USP19: variants seen among roughly 807,000 people sequenced by gnomAD.
USP19 encodes ubiquitin specific peptidase 19, also known as ubiquitin carboxyl-terminal hydrolase 19.
USP19 carries 40 observed loss-of-function variants against 144.8 expected under a neutral mutation model. That is an observed-to-expected ratio of 0.28 (90% confidence interval 0.21 to 0.36). USP19 has a LOEUF of 0.36. USP19 is among the 10% of genes least tolerant of loss of function. The pLI is 1.00. For missense variants in USP19, 1,518 were observed against 1,822.5 expected (o/e 0.83, Z 3.04); for synonymous variants, 701 against 709.3 (o/e 0.99, Z 0.19).
chr3:49,117,944 G>A lies in USP19; in HGVS notation c.298+3C>T, dbSNP rs767985831. On this transcript the variant is annotated splice_donor_region_variant and intron_variant, in intron 3 of 26. Transcript: ENST00000417901. This position sits in a 1 kb window ranked among gnomAD's most constrained non-coding sequence, Gnocchi z 4.4. ...AGCAACAAAAAGCCCATTCGTTACTGACCCTCTTTGGTCTGCTCCTCTTGA... is the reference window on the plus strand; with the variant it reads ...AGCAACAAAAAGCCCATTCGTTACTAACCCTCTTTGGTCTGCTCCTCTTGA... The A allele has an allele frequency of 4.3e-6, 7 of 1,613,120 alleles. No individual in the cohort carries two copies. The highest frequency in any genetic ancestry group is 5.9e-6 in the Non-Finnish European group (7 of 1,179,798).
Position 49,110,898 on chromosome 3 carries a change from GTC to G in USP19, c.3546-37_3546-36del, listed in dbSNP as rs1415458705. The G allele has an allele frequency of 1.2e-6, 2 of 1,613,790 alleles. No homozygotes were observed. Among genetic ancestry groups the G allele is most frequent in the Non-Finnish European group, 1.7e-6 (2 of 1,179,724 alleles). ...ACAGAGATTGGGTCAGGACCAGCAAGTCTCTCTCTTCTCCATCCTGCCCCCTT... is the reference window on the plus strand; with the variant it reads ...ACAGAGATTGGGTCAGGACCAGCAAGTCTCTCTTCTCCATCCTGCCCCCTT... On this transcript the variant is annotated intron_variant, in intron 23 of 26. Coordinates refer to ENST00000417901, the MANE Select transcript of USP19 (RefSeq NM_001199161.2). This position sits in a 1 kb window ranked among gnomAD's most constrained non-coding sequence, Gnocchi z 6.1.
Position 49,110,638 on chromosome 3 carries a change from C to G in USP19, c.3699-34G>C. On this transcript the variant is annotated intron_variant, in intron 24 of 26. Transcript: ENST00000417901. This position sits in a 1 kb window ranked among gnomAD's most constrained non-coding sequence, Gnocchi z 6.1. ...CAGGTCCAGTCAGGGAGGGGTGAGA[C>G]AGGCAACAGGCGCTCAGGATGCCCA... 6.2e-7 allele frequency: 1 copy of G among 1,611,666 alleles called. No individual in the cohort carries two copies. Among genetic ancestry groups the G allele is most frequent in the Non-Finnish European group, 8.5e-7 (1 of 1,178,486 alleles).
At position 49,114,598 on chromosome 3, in the gene USP19, CCT is replaced by C. The variant is rs1397652028; in HGVS notation, c.2292+163_2292+164del. On this transcript the variant is annotated intron_variant, in intron 15 of 26. Transcript: ENST00000417901. The surrounding 1 kb of genome is among the most constrained non-coding windows in gnomAD (Gnocchi z 4.5). ...CTTTTCCCTCAGTCAGGAAGCCTAC[CCT>C]GAGTGGGCTCTTCAGCCCAAATAGA... Among the ~76,000 whole-genome samples the C allele has an allele frequency of 6.6e-6, 1 of 152,226 alleles. No homozygotes were observed. The highest frequency in any genetic ancestry group is 6.5e-5 in the Admixed American group (1 of 15,286).
In USP19 at chr3:49,110,313, C is replaced by G; in HGVS notation, c.3909G>C (p.Gln1303His). ...GTACATAGGCATAACGCGTCACAAC[C>G]TGGCTCTCGTCTACCGTTGTCACTG... ...DSTVTTVDES[Q>H]VVTRYAYVLF... The change falls in exon 26 of 27, where the codon CAG (glutamine) becomes CAC (histidine). Residue 1303 changes from glutamine to histidine, a missense_variant. Coordinates refer to ENST00000417901, the MANE Select transcript of USP19 (RefSeq NM_001199161.2). The surrounding 1 kb of genome is among the most constrained non-coding windows in gnomAD (Gnocchi z 6.1). 1.9e-6 allele frequency: 3 copies of G among 1,605,858 alleles called. No individual in the cohort carries two copies. Among genetic ancestry groups the G allele is most frequent in the Non-Finnish European group, 2.6e-6 (3 of 1,174,756 alleles).
rs565561069 is a variant in USP19 at position 49,117,079 on chromosome 3, C to T, written c.889G>A (p.Val297Met). Residue 297 changes from valine (V) to methionine (M), a missense_variant, in exon 6 of 27, where the codon GTG (valine) becomes ATG (methionine). Coordinates refer to ENST00000417901, the MANE Select transcript of USP19 (RefSeq NM_001199161.2). This position sits in a 1 kb window ranked among gnomAD's most constrained non-coding sequence, Gnocchi z 4.4. ...PGPRGDAPPF[V>M]ADPATQVEAD... ...CTCACCTGGGTGGCTGGGTCAGCCACGAAGGGTGGGGCATCACCCCGGGGT... is the reference window on the plus strand; with the variant it reads ...CTCACCTGGGTGGCTGGGTCAGCCATGAAGGGTGGGGCATCACCCCGGGGT... 28 of 1,518,148 alleles carry T rather than the reference C, an allele frequency of 1.8e-5. No homozygotes were observed. The highest frequency in any genetic ancestry group is 6.1e-5 in the South Asian group (5 of 81,654). The allele number at this position is 1,518,148 out of a possible 1,614,324, so 94.0% of individuals were successfully genotyped here. A position where few individuals can be genotyped will look rare whatever the true frequency, so the allele number is the denominator to read the frequency against.
Position 49,119,073 on chromosome 3 carries a change from T to G in USP19, c.73A>C (p.Lys25Gln), listed in dbSNP as rs764139578. Residue 25 changes from lysine (K) to glutamine (Q), a missense_variant, in exon 2 of 27, where the codon AAG becomes CAG. Lys to Gln is a moderately conservative substitution (Grantham distance 53). This residue lies in a region of USP19 where 707 missense variants were observed against 728.9 expected (regional missense o/e 0.97). Transcript: ENST00000417901. The part of the protein sequence containing the change: ...PGLEDTTSKK[K>Q]QKDRANQESK... ...TCCTGGTTTGCTCGATCCTTCTGCT[T>G]CTTCTTACTAGTGGTGTCCTCCAGT... 1.5e-5 allele frequency: 25 copies of G among 1,613,870 alleles called. No individual in the cohort carries two copies. Among genetic ancestry groups the G allele is most frequent in the Middle Eastern group, 1.6e-4 (1 of 6,082 alleles).
In USP19 at chr3:49,114,115, G is replaced by C. The variant is rs760389016; in HGVS notation, c.2404-22C>G. ...GGAACTGTGGCAAAAAGGGCAGTCA[G>C]TGAGGGAGGTGGGCCACGTTCTCTA... On this transcript the variant is annotated intron_variant, in intron 16 of 26. Transcript: ENST00000417901. This position sits in a 1 kb window ranked among gnomAD's most constrained non-coding sequence, Gnocchi z 4.5. 1.2e-6 allele frequency: 2 copies of C among 1,614,240 alleles called. No homozygotes were observed. Among genetic ancestry groups the C allele is most frequent in the Non-Finnish European group, 1.7e-6 (2 of 1,180,028 alleles).
rs1010259066 is a variant in USP19, at chr3:49,118,328, G to A, written c.125-208C>T. Among the ~76,000 whole-genome samples, 4 of 151,582 alleles carry A rather than the reference G, an allele frequency of 2.6e-5. No individual in the cohort carries two copies. The East Asian group carries it at 5.8e-4, about 22-fold the overall frequency. ...CACGCCTGCAATCCCAGCACTTTGA[G>A]AGGCCGAGGTGGGTGGATCACCTGA... is the stretch of plus-strand genomic sequence containing the variant. On this transcript the variant is annotated intron_variant, in intron 2 of 26. Transcript: ENST00000417901.
chr3:49,114,098 G>C lies in USP19; in HGVS notation c.2404-5C>G, dbSNP rs2043669669. On this transcript the variant is annotated splice_region_variant and splice_polypyrimidine_tract_variant and intron_variant, in intron 16 of 26. Coordinates refer to ENST00000417901, the MANE Select transcript of USP19 (RefSeq NM_001199161.2). This position sits in a 1 kb window ranked among gnomAD's most constrained non-coding sequence, Gnocchi z 4.5. ...CTTGCTGACGCTCACCAGGAACTGT[G>C]GCAAAAAGGGCAGTCAGTGAGGGAG... The C allele has an allele frequency of 1.1e-5, 17 of 1,614,180 alleles. No individual in the cohort carries two copies. Among genetic ancestry groups the C allele is most frequent in the Non-Finnish European group, 1.4e-5 (17 of 1,180,040 alleles).
At position 49,108,601 on chromosome 3, in the gene USP19, G is replaced by A. The variant is rs2042671596; in HGVS notation, c.4039-73C>T. 2 of 1,237,224 alleles carry A rather than the reference G, an allele frequency of 1.6e-6. No homozygotes were observed. Among genetic ancestry groups the A allele is most frequent in the Admixed American group, 8.4e-5 (2 of 23,868 alleles). 76.6% of individuals were successfully genotyped at this position (1,237,224 alleles called of 1,614,324 possible). On this transcript the variant is annotated intron_variant, in intron 26 of 26. Transcript: ENST00000417901. This position sits in a 1 kb window ranked among gnomAD's most constrained non-coding sequence, Gnocchi z 4.8. Reference sequence around the variant, plus strand: ...CCTGGCATCCCGGGGGTGCTGGCTTGGAGCCCTGGCACCCAAGGGAGGGTC... The same window carrying A: ...CCTGGCATCCCGGGGGTGCTGGCTTAGAGCCCTGGCACCCAAGGGAGGGTC...
Position 49,119,131 on chromosome 3 carries a change from G to A in USP19, c.15C>T (p.Ala5=). The A allele has an allele frequency of 6.2e-7, 1 of 1,612,676 alleles. No individual in the cohort carries two copies. Among genetic ancestry groups the A allele is most frequent in the Non-Finnish European group, 8.5e-7 (1 of 1,179,662 alleles). The change falls in exon 2 of 27, where the codon GCC becomes GCT. Residue 5 remains alanine, a synonymous_variant. Coordinates refer to ENST00000417901, the MANE Select transcript of USP19 (RefSeq NM_001199161.2). MSGG[A]SATGPRRGPP... ...GCCCTCTCCTTGGGCCTGTGGCACTGGCCCCGCCAGACATCTTGAGCCGCT... is the reference window on the plus strand; with the variant it reads ...GCCCTCTCCTTGGGCCTGTGGCACTAGCCCCGCCAGACATCTTGAGCCGCT...
Position 49,115,441 on chromosome 3 carries a change from C to T in USP19, c.1888+3G>A. The T allele has an allele frequency of 1.2e-6, 2 of 1,613,944 alleles. No homozygotes were observed. Among genetic ancestry groups the T allele is most frequent in the South Asian group, 1.1e-5 (1 of 91,082 alleles). ...TAACCCAGGCTCCAGGCCCTGCCCT[C>T]ACCATGGAAGAAGTCCCGGAGTTCC... On this transcript the variant is annotated splice_donor_region_variant and intron_variant, in intron 12 of 26. Transcript: ENST00000417901. This position sits in a 1 kb window ranked among gnomAD's most constrained non-coding sequence, Gnocchi z 6.6.
Position 49,114,315 on chromosome 3 carries a change from G to C in USP19, c.2293-31C>G. ...GATGTAGAGGTGGCACTGGGTAGCT[G>C]CACACAGAGTGGGAGATAAGATGCT... On this transcript the variant is annotated intron_variant, in intron 15 of 26. Coordinates refer to ENST00000417901, the MANE Select transcript of USP19 (RefSeq NM_001199161.2). The surrounding 1 kb of genome is among the most constrained non-coding windows in gnomAD (Gnocchi z 4.5). 1 of 1,597,904 alleles carries C rather than the reference G, an allele frequency of 6.3e-7. No individual in the cohort carries two copies. Among genetic ancestry groups the C allele is most frequent in the Non-Finnish European group, 8.6e-7 (1 of 1,165,786 alleles).
rs1476898001 is a variant in USP19, at chr3:49,117,035, C to T, written c.909+24G>A. ...CACCCTTTCCCCCCATCTCCTAACA[C>T]CCAAACAGGTGCCCAGCTCTCACCT... On this transcript the variant is annotated intron_variant, in intron 6 of 26. Transcript: ENST00000417901. This position sits in a 1 kb window ranked among gnomAD's most constrained non-coding sequence, Gnocchi z 4.4. The T allele has an allele frequency of 4.6e-6, 7 of 1,523,960 alleles. No homozygotes were observed. The highest frequency in any genetic ancestry group is 1.2e-5 in the South Asian group (1 of 80,480). The allele number at this position is 1,523,960 out of a possible 1,614,324, so 94.4% of individuals were successfully genotyped here. A position where few individuals can be genotyped will look rare whatever the true frequency, so the allele number is the denominator to read the frequency against.
In USP19 at chr3:49,108,540, T is replaced by G; in HGVS notation, c.4039-12A>C. The G allele has an allele frequency of 8.1e-7, 1 of 1,235,494 alleles. No individual in the cohort carries two copies. Among genetic ancestry groups the G allele is most frequent in the Non-Finnish European group, 1.0e-6 (1 of 966,042 alleles). The allele number at this position is 1,235,494 out of a possible 1,614,324, so 76.5% of individuals were successfully genotyped here. On this transcript the variant is annotated splice_polypyrimidine_tract_variant and intron_variant, in intron 26 of 26. Coordinates refer to ENST00000417901, the MANE Select transcript of USP19 (RefSeq NM_001199161.2). This position sits in a 1 kb window ranked among gnomAD's most constrained non-coding sequence, Gnocchi z 4.8. Reference sequence around the variant, plus strand: ...CCAGGGCCTAGTCCCTGCAACAGAATACGAGGACAGGGGTTGGGGGCTGCC... The same window carrying G: ...CCAGGGCCTAGTCCCTGCAACAGAAGACGAGGACAGGGGTTGGGGGCTGCC...
Position 49,111,903 on chromosome 3 carries a change from G to A in USP19, c.2903+8C>T, listed in dbSNP as rs1454816963. The A allele has an allele frequency of 2.5e-6, 4 of 1,613,846 alleles. No homozygotes were observed. The highest frequency in any genetic ancestry group is 1.7e-5 in the Admixed American group (1 of 60,008). ...TACACCACTCTAGTCCAACCACTGG[G>A]CACTTACCGGGCATAGCCCTCTAGC... On this transcript the variant is annotated splice_region_variant and intron_variant, in intron 20 of 26. Transcript: ENST00000417901. The surrounding 1 kb of genome is among the most constrained non-coding windows in gnomAD (Gnocchi z 5.9).
rs758627613 is a variant in USP19, at chr3:49,116,161, T to C, written c.1357A>G (p.Asn453Asp). The C allele has an allele frequency of 1.8e-5, 29 of 1,613,864 alleles. 1 individual carries two copies. In the South Asian group the frequency reaches 3.2e-4, roughly 18 times the overall value. ...GTGCACTGCTCTGGCTCAATCAGAT[T>C]CCTGTGGGAAAAGGCTGAACTCAGG... ...TTFRWQVKLR[N>D]LIEPEQCTFC... The change falls in exon 10 of 27, where the codon AAT becomes GAT. Residue 453 changes from asparagine (N) to aspartate (D), a missense_variant and splice_region_variant. Transcript: ENST00000417901. This position sits in a 1 kb window ranked among gnomAD's most constrained non-coding sequence, Gnocchi z 5.0.
chr3:49,110,276 G>C lies in USP19; in HGVS notation c.3946C>G (p.Arg1316Gly). 6.2e-7 allele frequency: 1 copy of C among 1,606,612 alleles called. No homozygotes were observed. Among genetic ancestry groups the C allele is most frequent in the Non-Finnish European group, 8.5e-7 (1 of 1,175,080 alleles). The stretch of plus-strand genomic sequence containing the variant: ...GGCCTCTCCACAGGAGAGTTCCGCC[G>C]GCGGTAGAAGAGTACATAGGCATAA... ...TRYAYVLFYRRRNSPVERPPR... is the reference protein window; with the variant it reads ...TRYAYVLFYRGRNSPVERPPR... The change falls in exon 26 of 27, where the codon CGG becomes GGG. Residue 1316 changes from arginine (R) to glycine (G), a missense_variant. Arg to Gly is a moderately radical substitution (Grantham distance 125). Coordinates refer to ENST00000417901, the MANE Select transcript of USP19 (RefSeq NM_001199161.2). This position sits in a 1 kb window ranked among gnomAD's most constrained non-coding sequence, Gnocchi z 6.1.
chr3:49,118,175 G>C, intron 2 of USP19, 55 bp from the exon 3 acceptor site: 1 of 702,442 alleles, frequency 1.4e-6, no homozygotes, highest in Non-Finnish European at 2.3e-6. Flanking sequence ...TGAGGTAGGA[G>C]GACTGCTTGA....
Sources: allele counts gnomAD v4.1 joint callset (sites outside exome capture counted in the v4.1 genomes callset), GRCh38; gene constraint gnomAD v4.1.1; regional missense constraint gnomAD v4.1.1; non-coding constraint Gnocchi (gnomAD v3.1); transcripts MANE v1.5; gene names NCBI Gene and HGNC (gene_info 2026-07-23, HGNC 2026-07-21).